Variants in DNAL1 observed in about 807,000 individuals in gnomAD.
DNAL1 encodes chromosome 14 open reading frame 168.
A neutral mutation model predicts 29.4 loss-of-function variants in DNAL1; 17 were observed. The observed-to-expected ratio is 0.58, with a 90% CI of 0.40 to 0.87. The LOEUF (loss-of-function observed/expected upper bound fraction) is 0.87. DNAL1 is among the 40% of genes least tolerant of loss of function. DNAL1 has a pLI of 0.00. For missense variants in DNAL1, 188 were observed against 214.1 expected (o/e 0.88, Z 0.76); for synonymous variants, 78 against 76.3 (o/e 1.02, Z -0.12).
chr14:73,691,996 C>CTT (rs3041353), intron 7 of DNAL1, among the ~76,000 whole-genome samples: 3 of 113,642 alleles, frequency 2.6e-5, no homozygotes, highest in Non-Finnish European at 3.4e-5. Flanking sequence ...TGTGCCCAGA[C>CTT]TTTTTTTTTT....
intron 4 of DNAL1, among the ~76,000 whole-genome samples, chr14:73,664,023 A>G (rs1891417654): frequency 6.6e-6 from 1 of 152,122 alleles, no homozygotes; most frequent in Non-Finnish European, 1.5e-5. Context: ...TCCTCCCTGT[A>G]CAGGTTCCCA....
intron 2 of DNAL1, among the ~76,000 whole-genome samples, chr14:73,655,414 G>A (rs1486264399): frequency 2.7e-5 from 4 of 148,866 alleles, no homozygotes; most frequent in African/African-American, 7.4e-5. Flanking sequence ...GTGTGACCTC[G>A]GCTCACTGCA....
At chr14:73,686,631 G>T (rs192129690) in intron 5 of DNAL1, among the ~76,000 whole-genome samples, 1 of 152,090 alleles carries the variant, frequency 6.6e-6, no homozygotes, top group Non-Finnish European at 1.5e-5. Context: ...GCTTGAGCCC[G>T]GGGGAGGTTG....
At chr14:73,660,130 A>G (rs1455865342) in intron 3 of DNAL1, among the ~76,000 whole-genome samples, 1 of 151,898 alleles carries the variant, frequency 6.6e-6, no homozygotes. Flanking sequence ...GGGTTTCACC[A>G]TGTTGGCCAG....
Position 73,644,998 on chromosome 14 carries a change from C to T in DNAL1, c.-42C>T. 6.2e-7 allele frequency: 1 copy of T among 1,605,728 alleles called. No homozygotes were observed. The highest frequency in any genetic ancestry group is 8.5e-7 in the Non-Finnish European group (1 of 1,176,740). On this transcript the variant is annotated 5_prime_UTR_variant, in exon 1 of 8. Coordinates refer to ENST00000553645, the MANE Select transcript of DNAL1 (RefSeq NM_031427.4). Reference sequence around the variant, plus strand: ...GAAGTGCGCACGCGCACTGACCCCGCGGGCCCTAGCAACCAGAGCAGTGAC... The same window carrying T: ...GAAGTGCGCACGCGCACTGACCCCGTGGGCCCTAGCAACCAGAGCAGTGAC...
chr14:73,687,186 T>C (rs1439553256), intron 5 of DNAL1, 73 bp from the exon 6 acceptor site: 2 of 1,577,542 alleles, frequency 1.3e-6, no homozygotes, highest in Non-Finnish European at 1.7e-6. Flanking sequence ...AGCCATTATG[T>C]ATATCTTTAT....
rs1473404851 is a variant in DNAL1, at chr14:73,691,040, AAT to A, written c.532+1527_532+1528del. ...GAGTCAAGTCCCAGCTCCTCCACTT[AAT>A]AGTTTGTGAAATTGTGCTAATTAAT... is the stretch of plus-strand genomic sequence containing the variant. On this transcript the variant is annotated intron_variant, in intron 7 of 7. Coordinates refer to ENST00000553645, the MANE Select transcript of DNAL1 (RefSeq NM_031427.4). 3.3e-5 allele frequency among the ~76,000 whole-genome samples: 5 copies of A among 152,328 alleles called. No individual in the cohort carries two copies. In the South Asian group the frequency reaches 6.2e-4, roughly 19 times the overall value.
intron 1 of DNAL1, among the ~76,000 whole-genome samples, chr14:73,647,148 G>A (rs1890993601): frequency 6.6e-6 from 1 of 151,880 alleles, no homozygotes; most frequent in Non-Finnish European, 1.5e-5. Context: ...CACGAGGTCA[G>A]AAGATCGAGA....
Position 73,672,480 on chromosome 14 carries a change from C to T in DNAL1, c.264+883C>T, listed in dbSNP as rs143363386. Among the ~76,000 whole-genome samples, 594 of 151,102 alleles carry T rather than the reference C, an allele frequency of 3.9e-3. 4 individuals carry two copies. Among genetic ancestry groups the T allele is most frequent in the African/African-American group, 0.014 (562 of 41,262 alleles). ...AAAACTAGCTGGGTGTGGTGGCGGG[C>T]GCCTGTAGTCCCAGCTACTTGGGAG... is the stretch of plus-strand genomic sequence containing the variant. On this transcript the variant is annotated intron_variant, in intron 5 of 7. Transcript: ENST00000553645.
At chr14:73,682,755 C>G (rs2140054089) in intron 5 of DNAL1, among the ~76,000 whole-genome samples, 1 of 152,140 alleles carries the variant, frequency 6.6e-6, no homozygotes, top group South Asian at 2.1e-4. Context: ...ACATCTTGTC[C>G]CACTGGAAAG....
At chr14:73,652,448 T>A (rs990334116) in intron 1 of DNAL1, among the ~76,000 whole-genome samples, 1 of 152,102 alleles carries the variant, frequency 6.6e-6, no homozygotes, top group Middle Eastern at 3.4e-3. Context: ...TAATTTTTTT[T>A]TATTTTTTGT....
At chr14:73,645,152 G>T (rs1890949700) in intron 1 of DNAL1, 110 bp downstream of exon 1, 2 of 1,532,114 alleles carry the variant, frequency 1.3e-6, no homozygotes, top group African/African-American at 1.4e-5. Flanking sequence ...GAAGGGAGCC[G>T]GTAGCTGACG....
intron 3 of DNAL1, among the ~76,000 whole-genome samples, chr14:73,660,123 T>C (rs1891310586): frequency 6.6e-6 from 1 of 151,884 alleles, no homozygotes; most frequent in Admixed American, 6.6e-5. Context: ...AGAGATGGGG[T>C]TTCACCATGT....
chr14:73,665,663 C>T (rs1344513606), intron 4 of DNAL1, among the ~76,000 whole-genome samples: 10 of 151,690 alleles, frequency 6.6e-5, no homozygotes, highest in Admixed American at 2.0e-4. Context: ...TGGTGGCGTG[C>T]GCCTGTAATC....
intron 7 of DNAL1, among the ~76,000 whole-genome samples, chr14:73,692,406 C>G (rs577570284): frequency 6.6e-6 from 1 of 151,886 alleles, no homozygotes; most frequent in Non-Finnish European, 1.5e-5. Context: ...CACTTGAACC[C>G]GGGAGGCAGA....
At chr14:73,686,267 C>G (rs538203256) in intron 5 of DNAL1, among the ~76,000 whole-genome samples, 2 of 152,216 alleles carry the variant, frequency 1.3e-5, no homozygotes, top group South Asian at 4.1e-4. Context: ...AGTTATTGTC[C>G]AATTCTCGAA....
chr14:73,680,680 T>G (rs1314416749), intron 5 of DNAL1, among the ~76,000 whole-genome samples: 10 of 152,228 alleles, frequency 6.6e-5, no homozygotes, highest in African/African-American at 2.4e-4. Flanking sequence ...CTAGCTATTT[T>G]GAAATACAGT....
Position 73,695,945 on chromosome 14 carries a change from C to A in DNAL1, c.*3C>A. ...GGGATGAGGAAGAAGACAACTAATG[C>A]CACGCTTTCCACTGTGTGTTAACTT... is the stretch of plus-strand genomic sequence containing the variant. On this transcript the variant is annotated 3_prime_UTR_variant, in exon 8 of 8. Coordinates refer to ENST00000553645, the MANE Select transcript of DNAL1 (RefSeq NM_031427.4). The A allele has an allele frequency of 6.3e-7, 1 of 1,586,550 alleles. No individual in the cohort carries two copies. The highest frequency in any genetic ancestry group is 8.6e-7 in the Non-Finnish European group (1 of 1,164,658).
intron 4 of DNAL1, 49 bp downstream of exon 4, chr14:73,662,091 A>T (rs1285609044): frequency 6.9e-7 from 1 of 1,454,142 alleles, no homozygotes; most frequent in Non-Finnish European, 9.4e-7. Flanking sequence ...TAGTTATTTT[A>T]ATAAACATTC....
Sources: gnomAD v4.1 joint callset for allele counts (sites outside exome capture counted in the v4.1 genomes callset) on GRCh38, gnomAD v4.1.1 for gene constraint, MANE v1.5 for transcripts, NCBI Gene and HGNC (gene_info 2026-07-23, HGNC 2026-07-21) for gene names.